MMP26: variants seen among roughly 807,000 people sequenced by gnomAD.
The protein encoded by MMP26 is matrix metalloproteinase-26.
A neutral mutation model predicts 31.0 loss-of-function variants in MMP26; 33 were observed. That is an observed-to-expected ratio of 1.06 (90% CI 0.81 to 1.42). The LOEUF (loss-of-function observed/expected upper bound fraction) is 1.42. Ranked by LOEUF, MMP26 falls within the 40% of genes most tolerant of loss-of-function variation. The pLI is 0.00. For synonymous variants in MMP26, 122 were observed against 114.9 expected, an observed-to-expected ratio of 1.06 and a Z score of -0.40; for missense variants, 347 against 316.1, an observed-to-expected ratio of 1.10 and a Z score of -0.74.
At chr11:4,987,736 ACT>A (rs1846926751) in intron 2 of MMP26, among the ~76,000 whole-genome samples, 1 of 151,766 alleles carries the variant, frequency 6.6e-6, no homozygotes, top group Admixed American at 6.6e-5. Context: ...AGATTTTCAT[ACT>A]CTGATCTGGA....
intron 2 of MMP26, chr11:4,848,641 G>T: frequency 1.2e-6 from 2 of 1,612,796 alleles, no homozygotes; most frequent in Non-Finnish European, 1.7e-6. Context: ...GCCACATCTG[G>T]ATGCAAGCAA....
chr11:4,861,108 T>C (rs1286085007), intron 2 of MMP26, among the ~76,000 whole-genome samples: 1 of 149,312 alleles, frequency 6.7e-6, no homozygotes, highest in Middle Eastern at 3.3e-3. Flanking sequence ...CATATATACT[T>C]CCATATGTAT....
At chr11:4,795,500 T>A (rs1849093583) in intron 2 of MMP26, among the ~76,000 whole-genome samples, 2 of 152,204 alleles carry the variant, frequency 1.3e-5, no homozygotes, top group Admixed American at 1.3e-4. Context: ...TCAACACACA[T>A]TTTTTACTCA....
At chr11:4,842,779 A>C (rs988677265) in intron 2 of MMP26, among the ~76,000 whole-genome samples, 1 of 152,200 alleles carries the variant, frequency 6.6e-6, no homozygotes, top group Non-Finnish European at 1.5e-5. Flanking sequence ...TTCCAGCATT[A>C]ACTCAAATCT....
chr11:4,768,901 G>A, intron 2 of MMP26: 1 of 803,082 alleles, frequency 1.2e-6, no homozygotes, highest in East Asian at 2.5e-5. Context: ...ACATGCAATA[G>A]GCAGTAAGAG....
chr11:4,898,619 A>G (rs59256609), intron 2 of MMP26, among the ~76,000 whole-genome samples: 1 of 152,130 alleles, frequency 6.6e-6, no homozygotes, highest in Non-Finnish European at 1.5e-5. Flanking sequence ...GGGTTATAGT[A>G]ACAAAAATAA....
In MMP26 at chr11:4,779,445, A is replaced by T. The variant is rs116817170; in HGVS notation, c.-145+12104A>T. ...TAAGTTAATGAGAATTTTCATTTTAATTTTTCTTGTTTTGTAATGCCCTTT... is the reference window on the plus strand; with the variant it reads ...TAAGTTAATGAGAATTTTCATTTTATTTTTTCTTGTTTTGTAATGCCCTTT... On this transcript the variant is annotated intron_variant, in intron 2 of 7. Coordinates refer to ENST00000380390, the MANE Select transcript of MMP26 (RefSeq NM_021801.5). 3.0e-3 allele frequency among the ~76,000 whole-genome samples: 463 copies of T among 151,944 alleles called. 2 individuals are homozygous for T. The highest frequency in any genetic ancestry group is 1.0e-2 in the African/African-American group (414 of 41,478).
At chr11:4,914,644 T>C (rs1011028019) in intron 2 of MMP26, 2 of 947,014 alleles carry the variant, frequency 2.1e-6, no homozygotes, top group Non-Finnish European at 3.2e-6. Flanking sequence ...CTTTATTTTA[T>C]GCATGTTAGA....
chr11:4,815,182 T>C (rs191642008), intron 2 of MMP26, among the ~76,000 whole-genome samples: 2 of 152,336 alleles, frequency 1.3e-5, no homozygotes, highest in East Asian at 3.9e-4. Context: ...TATGCCTTAG[T>C]CTGGCTCAGT....
At chr11:4,926,820 C>T (rs979263566) in intron 2 of MMP26, among the ~76,000 whole-genome samples, 1 of 152,176 alleles carries the variant, frequency 6.6e-6, no homozygotes, top group Admixed American at 6.5e-5. Flanking sequence ...GGAATTGCTG[C>T]ATCATCAGAG....
At chr11:4,851,131 T>A (rs914865613) in intron 2 of MMP26, among the ~76,000 whole-genome samples, 1 of 152,170 alleles carries the variant, frequency 6.6e-6, no homozygotes, top group Non-Finnish European at 1.5e-5. Flanking sequence ...ATTAGAGATA[T>A]AAGCTTGTTT....
chr11:4,708,156 A>T (rs940013304), intron 1 of MMP26, among the ~76,000 whole-genome samples: 2 of 152,166 alleles, frequency 1.3e-5, no homozygotes, highest in African/African-American at 4.8e-5. Context: ...TCGTATGTAA[A>T]GTCACAGGTG....
At chr11:4,925,959 T>C (rs1248193450) in intron 2 of MMP26, among the ~76,000 whole-genome samples, 1 of 152,106 alleles carries the variant, frequency 6.6e-6, no homozygotes, top group African/African-American at 2.4e-5. Context: ...TTCTGTGCCA[T>C]TTCCCTCTGA....
intron 2 of MMP26, chr11:4,923,671 G>C: frequency 6.2e-7 from 1 of 1,614,018 alleles, no homozygotes; most frequent in Non-Finnish European, 8.5e-7. Flanking sequence ...CGGTGCGAAG[G>C]ATGAGGGCGT....
intron 2 of MMP26, among the ~76,000 whole-genome samples, chr11:4,935,092 T>C (rs1328654377): frequency 6.6e-6 from 1 of 150,976 alleles, no homozygotes; most frequent in Non-Finnish European, 1.5e-5. Context: ...CTTTAAAGTA[T>C]TTTTTTCCAA....
At chr11:4,860,958 C>A (rs1332988591) in intron 2 of MMP26, among the ~76,000 whole-genome samples, 3 of 151,288 alleles carry the variant, frequency 2.0e-5, no homozygotes, top group Non-Finnish European at 4.4e-5. Context: ...TTTTTAAAAC[C>A]CCATTAAAAC....
chr11:4,837,686 T>C (rs1000011522), intron 2 of MMP26, among the ~76,000 whole-genome samples: 1 of 152,154 alleles, frequency 6.6e-6, no homozygotes, highest in African/African-American at 2.4e-5. Flanking sequence ...AAAATAATTT[T>C]ACTTTATGTA....
At position 4,930,699 on chromosome 11, in the gene MMP26, G is replaced by C. The variant is rs144539062; in HGVS notation, c.-144-57369G>C. On this transcript the variant is annotated intron_variant, in intron 2 of 7. Transcript: ENST00000380390. The stretch of plus-strand genomic sequence containing the variant: ...TATTTTTAGCAAATTGAAATTATTT[G>C]GTAACTCAAGGCTTGTTTACTATAC... Among the ~76,000 whole-genome samples the C allele has an allele frequency of 1.3e-3, 194 of 152,050 alleles. 2 individuals are homozygous for C. Among genetic ancestry groups the C allele is most frequent in the African/African-American group, 4.4e-3 (184 of 41,514 alleles).
intron 2 of MMP26, among the ~76,000 whole-genome samples, chr11:4,785,552 A>G (rs754826864): frequency 1.3e-5 from 2 of 152,048 alleles, no homozygotes; most frequent in Non-Finnish European, 2.9e-5. Context: ...TCTTTCTCAT[A>G]ATTGACTTTA....
Sources: allele counts gnomAD v4.1 joint callset (sites outside exome capture counted in the v4.1 genomes callset), GRCh38; gene constraint gnomAD v4.1.1; transcripts MANE v1.5; gene names NCBI Gene and HGNC (gene_info 2026-07-23, HGNC 2026-07-21).